The following USP32 variants were observed in gnomAD, a reference collection of about 807,000 sequenced individuals.
USP32 encodes ubiquitin specific peptidase 32, also known as ubiquitin carboxyl-terminal hydrolase 32.
A neutral mutation model predicts 204.8 loss-of-function variants in USP32; 59 were observed. That is an observed-to-expected ratio of 0.29 (90% confidence interval 0.23 to 0.36). The LOEUF (loss-of-function observed/expected upper bound fraction) is 0.36, where lower values mean the gene tolerates loss of function less well. USP32 is among the 10% of genes least tolerant of loss of function. The pLI is 1.00. For synonymous variants in USP32, 517 were observed against 678.4 expected (o/e 0.76, Z 3.70); for missense variants, 1,160 against 1,946.4 (o/e 0.60, Z 7.60).
At chr17:60,271,545 C>A in intron 5 of USP32, 64 bp from the exon 6 acceptor site, 1 of 1,519,866 alleles carries the variant, frequency 6.6e-7, no homozygotes, top group Non-Finnish European at 9.0e-7. Flanking sequence ...TTCAGTTCAT[C>A]CTGATAATAT....
intron 1 of USP32, among the ~76,000 whole-genome samples, chr17:60,348,159 A>G (rs1271305389): frequency 1.3e-5 from 2 of 152,032 alleles, no homozygotes; most frequent in Non-Finnish European, 2.9e-5. Context: ...AAAAGATGAT[A>G]AACTTTTTTA....
At chr17:60,271,965 CCA>C (rs2086734288) in intron 5 of USP32, among the ~76,000 whole-genome samples, 1 of 152,110 alleles carries the variant, frequency 6.6e-6, no homozygotes, top group African/African-American at 2.4e-5. Context: ...GTGTACGCCA[CCA>C]CATCCAGCTA....
intron 29 of USP32, among the ~76,000 whole-genome samples, chr17:60,186,900 G>A (rs183659223): frequency 1.3e-5 from 2 of 152,226 alleles, no homozygotes; most frequent in African/African-American, 4.8e-5. Context: ...CTAATGTATG[G>A]GAAGGTGGGT....
At chr17:60,269,661 AT>A (rs1567816983) in intron 6 of USP32, 104 bp from the exon 7 acceptor site, 316 of 904,850 alleles carry the variant, frequency 3.5e-4, no homozygotes, top group South Asian at 4.6e-4. Context: ...AACTGACTGA[AT>A]TTTTTTTTAA....
At chr17:60,409,498 AAAG>A (rs2090003124) in intron 1 of USP32, among the ~76,000 whole-genome samples, 1 of 152,254 alleles carries the variant, frequency 6.6e-6, no homozygotes, top group African/African-American at 2.4e-5. Context: ...AGAGGGAAAA[AAAG>A]AGGGTTACCT....
intron 29 of USP32, 85 bp downstream of exon 29, chr17:60,190,478 T>C: frequency 6.9e-7 from 1 of 1,448,532 alleles, no homozygotes; most frequent in Non-Finnish European, 9.1e-7. Context: ...TTTTAAATTG[T>C]CTAAAACAGA....
intron 25 of USP32, 35 bp downstream of exon 25, chr17:60,206,986 A>C (rs749548188): frequency 6.4e-7 from 1 of 1,574,334 alleles, no homozygotes; most frequent in Non-Finnish European, 8.6e-7. Flanking sequence ...TATTTAAAGG[A>C]GCAATCATGA....
chr17:60,389,995 C>T (rs547780492), intron 1 of USP32, among the ~76,000 whole-genome samples: 1 of 151,908 alleles, frequency 6.6e-6, no homozygotes, highest in South Asian at 2.1e-4. Flanking sequence ...CCAGCCTGGG[C>T]AACAGAGCAA....
rs2088461610 is a variant in USP32, at chr17:60,334,317, T to C, written c.186+11164A>G. On this transcript the variant is annotated intron_variant, in intron 2 of 33. Coordinates refer to ENST00000300896, the MANE Select transcript of USP32 (RefSeq NM_032582.4). Reference sequence around the variant, plus strand: ...AGGTTTGATAAATTTTAACTTTTAATAATAGATGTATAAATTTTATGGTAG... The same window carrying C: ...AGGTTTGATAAATTTTAACTTTTAACAATAGATGTATAAATTTTATGGTAG... Among the ~76,000 whole-genome samples, 3 of 152,314 alleles carry C rather than the reference T, an allele frequency of 2.0e-5. No individual in the cohort carries two copies. The South Asian group carries it at 6.2e-4, about 32-fold the overall frequency.
At position 60,208,170 on chromosome 17, in the gene USP32, T is replaced by C. The variant is rs556059895; in HGVS notation, c.2814A>G (p.Leu938=). ...TGTACTTTTCATCCATATTCAGTCT[T>C]AGTCCATACCGTACAGGGGTAGTAC... is the stretch of plus-strand genomic sequence containing the variant. ...LDGTTPVRYG[L]RLNMDEKYTG... The change falls in exon 24 of 34, where the codon CTA becomes CTG. Residue 938 remains leucine, a synonymous_variant. Coordinates refer to ENST00000300896, the MANE Select transcript of USP32 (RefSeq NM_032582.4). 1.3e-6 allele frequency: 2 copies of C among 1,597,620 alleles called. No homozygotes were observed. Among genetic ancestry groups the C allele is most frequent in the East Asian group, 4.5e-5 (2 of 44,580 alleles).
chr17:60,366,180 A>C (rs2089309457), intron 1 of USP32, among the ~76,000 whole-genome samples: 1 of 146,620 alleles, frequency 6.8e-6, no homozygotes, highest in African/African-American at 2.6e-5. Flanking sequence ...TTTTTTTGAG[A>C]CGGAGTCTTG....
intron 12 of USP32, among the ~76,000 whole-genome samples, chr17:60,230,015 C>T (rs538368155): frequency 3.9e-5 from 6 of 152,060 alleles, no homozygotes; most frequent in Admixed American, 6.6e-5. Flanking sequence ...GGTTTCGCCA[C>T]GTTGGCCAGG....
chr17:60,187,316 C>A (rs2084275761), intron 29 of USP32, among the ~76,000 whole-genome samples: 3 of 152,284 alleles, frequency 2.0e-5, no homozygotes, highest in Admixed American at 2.0e-4. Flanking sequence ...AAAAGGGGAA[C>A]TTAGAGGAAA....
At chr17:60,300,153 C>A (rs80141586) in intron 3 of USP32, among the ~76,000 whole-genome samples, 3,270 of 152,094 alleles carry the variant, frequency 0.021, 137 homozygotes, top group African/African-American at 0.075. Context: ...AGAATAAAAG[C>A]AAAGGAATTT....
chr17:60,207,320 T>C, intron 24 of USP32, among the ~76,000 whole-genome samples, 188 bp from the exon 25 acceptor site: 1 of 152,152 alleles, frequency 6.6e-6, no homozygotes, highest in East Asian at 1.9e-4. Flanking sequence ...TAACCTCAAT[T>C]TTCGAACTAT....
At chr17:60,201,480 T>C (rs1334510255) in intron 26 of USP32, among the ~76,000 whole-genome samples, 1 of 151,804 alleles carries the variant, frequency 6.6e-6, no homozygotes, top group Non-Finnish European at 1.5e-5. Flanking sequence ...TAATTTATAA[T>C]TAAAATTATT....
At position 60,211,387 on chromosome 17, in the gene USP32, A is replaced by G; in HGVS notation, c.2307T>C (p.Tyr769=). The G allele has an allele frequency of 6.2e-7, 1 of 1,612,384 alleles. No individual in the cohort carries two copies. Among genetic ancestry groups the G allele is most frequent in the Non-Finnish European group, 8.5e-7 (1 of 1,179,300 alleles). Residue 769 remains tyrosine, a synonymous_variant, in exon 20 of 34, where the codon TAT becomes TAC. Transcript: ENST00000300896. ...TQYFISGRHL[Y]ELNRTNPIGM... is the part of the protein sequence containing the mutation. The stretch of plus-strand genomic sequence containing the variant: ...TCCAGAAAGATTACCTGTTGAGTTC[A>G]TAAAGATGTCTCCCTGAGATAAAAT...
At chr17:60,353,779 C>T (rs753183930) in intron 1 of USP32, among the ~76,000 whole-genome samples, 17 of 152,108 alleles carry the variant, frequency 1.1e-4, no homozygotes, top group Non-Finnish European at 2.1e-4. Context: ...CTATGTAAAT[C>T]GCTTTTACAA....
intron 7 of USP32, 53 bp downstream of exon 7, chr17:60,269,397 T>G (rs1345185095): frequency 7.4e-7 from 1 of 1,343,596 alleles, no homozygotes; most frequent in Non-Finnish European, 1.0e-6. Flanking sequence ...TGATGAAAAC[T>G]GATTTTCTCT....
Sources: gnomAD v4.1 joint callset for allele counts (sites outside exome capture counted in the v4.1 genomes callset) on GRCh38, gnomAD v4.1.1 for gene constraint, MANE v1.5 for transcripts, NCBI Gene and HGNC (gene_info 2026-07-23, HGNC 2026-07-21) for gene names.